The following IFT172 variants were observed in gnomAD, a reference collection of about 807,000 sequenced individuals.
IFT172 encodes intraflagellar transport 172.
A neutral mutation model predicts 248.9 loss-of-function variants in IFT172; 164 were observed. That is an observed-to-expected ratio of 0.66 (90% CI 0.58 to 0.75). IFT172 has a LOEUF of 0.75. Among genes scored for constraint, IFT172 ranks in the 30% least tolerant of loss-of-function variants. IFT172 has a pLI of 0.00. For synonymous variants in IFT172, 729 were observed against 791.6 expected (o/e 0.92, Z 1.33); for missense variants, 1,950 against 2,192.4 (o/e 0.89, Z 2.21).
intron 14 of IFT172, 95 bp downstream of exon 14, chr2:27,476,546 G>T (rs1667966485): frequency 2.6e-6 from 2 of 757,654 alleles, no homozygotes; most frequent in Admixed American, 2.2e-5. Flanking sequence ...GTGCGTCTCA[G>T]ATTCCTGCAT....
chr2:27,472,851 T>C (rs544770897), intron 14 of IFT172, among the ~76,000 whole-genome samples: 5 of 152,226 alleles, frequency 3.3e-5, no homozygotes, highest in Non-Finnish European at 7.3e-5. Flanking sequence ...TTGAATCTTC[T>C]AGACATTATC....
Position 27,463,102 on chromosome 2 carries a change from C to G in IFT172, c.2017G>C (p.Glu673Gln), listed in dbSNP as rs751371317. 1.2e-6 allele frequency: 2 copies of G among 1,613,892 alleles called. No individual in the cohort carries two copies. The highest frequency in any genetic ancestry group is 2.7e-5 in the African/African-American group (2 of 74,890). Residue 673 changes from glutamate (E) to glutamine (Q), a missense_variant, in exon 19 of 48, where the codon GAA (glutamate) becomes CAA (glutamine). Around this residue, in one of 3 missense-constraint regions of IFT172, gnomAD observed 1,166 missense variants for 1,254.1 expected, o/e 0.93. Coordinates refer to ENST00000260570, the MANE Select transcript of IFT172 (RefSeq NM_015662.3). ...ATCAGGAGCATAATACTTGCATATT[C>G]CCGGGATACTTGATCTGCAATCTCA... ...TNEIADQVSR[E>Q]YGGEGTDFYQ...
chr2:27,461,314 T>C lies in IFT172; in HGVS notation c.2397A>G (p.Val799=). ...REELLANTEL[V]EHITAALIKG... ...TGATAAGGGCTGCAGTGATGTGTTC[T>C]ACCAGCTCTGTGTTGGCTAGCAGTT... The change falls in exon 22 of 48, where the codon GTA becomes GTG. Residue 799 remains valine (V), a synonymous_variant. Coordinates refer to ENST00000260570, the MANE Select transcript of IFT172 (RefSeq NM_015662.3). 6.2e-7 allele frequency: 1 copy of C among 1,614,148 alleles called. No individual in the cohort carries two copies. Among genetic ancestry groups the C allele is most frequent in the Non-Finnish European group, 8.5e-7 (1 of 1,180,030 alleles).
Position 27,461,411 on chromosome 2 carries a change from A to G in IFT172, c.2300T>C (p.Leu767Pro), listed in dbSNP as rs1238600885. 1.2e-6 allele frequency: 2 copies of G among 1,614,180 alleles called. No individual in the cohort carries two copies. Among genetic ancestry groups the G allele is most frequent in the Admixed American group, 1.7e-5 (1 of 60,026 alleles). Reference protein sequence around the residue: ...GELQESQGDGLAAISLYLKAG... With the variant: ...GELQESQGDGPAAISLYLKAG... ...TTTGAGGTAGAGGCTGATGGCTGCT[A>G]GCCCATCCCCTTGGCTCTCCTGTAG... is the stretch of plus-strand genomic sequence containing the variant. The change falls in exon 22 of 48, where the codon CTA (leucine) becomes CCA (proline). Residue 767 changes from leucine to proline, a missense_variant. Leu to Pro is a moderately conservative substitution (Grantham distance 98). Transcript: ENST00000260570.
At chr2:27,468,432 C>T (rs893565459) in intron 16 of IFT172, among the ~76,000 whole-genome samples, 17 of 151,770 alleles carry the variant, frequency 1.1e-4, no homozygotes, top group African/African-American at 3.1e-4. Context: ...TGCGGTTTCG[C>T]CATGTTAGCC....
Position 27,459,622 on chromosome 2 carries a change from C to T in IFT172, c.2642+87G>A, listed in dbSNP as rs531904753. 1,508 of 1,601,412 alleles carry T rather than the reference C, an allele frequency of 9.4e-4. 23 individuals carry two copies. In the South Asian group the frequency reaches 0.016, roughly 17 times the overall value. The stretch of plus-strand genomic sequence containing the variant: ...CACACTTCAACCTACATTTTGAGAT[C>T]TCTTCTTTAAGGCCTTGGTGTCCTT... On this transcript the variant is annotated intron_variant, in intron 24 of 47. Transcript: ENST00000260570.
chr2:27,448,826 C>T, intron 40 of IFT172, 89 bp downstream of exon 40: 1 of 770,592 alleles, frequency 1.3e-6, no homozygotes, highest in South Asian at 1.4e-5. Flanking sequence ...ATAGAATCCT[C>T]TGAGAAGATA....
chr2:27,461,359 C>G lies in IFT172; in HGVS notation c.2352G>C (p.Arg784=). The G allele has an allele frequency of 6.2e-7, 1 of 1,614,188 alleles. No individual in the cohort carries two copies. The highest frequency in any genetic ancestry group is 8.5e-7 in the Non-Finnish European group (1 of 1,180,018). Residue 784 remains arginine (R), a synonymous_variant, in exon 22 of 48, where the codon CGG becomes CGC. Transcript: ENST00000260570. ...GCAGTTCCTCTCGGGTCAGCACCAG[C>G]CGAGCAGCTTTGGCAGGGAGCCCAG... is the stretch of plus-strand genomic sequence containing the variant. ...LKAGLPAKAA[R]LVLTREELLA...
At chr2:27,458,533 G>A (rs575591850) in intron 26 of IFT172, among the ~76,000 whole-genome samples, 2 of 152,296 alleles carry the variant, frequency 1.3e-5, no homozygotes, top group South Asian at 4.1e-4. Flanking sequence ...ATTAGGAGTG[G>A]TAGTTCAGAT....
chr2:27,469,668 C>T (rs2148525032), intron 16 of IFT172, among the ~76,000 whole-genome samples: 2 of 152,220 alleles, frequency 1.3e-5, no homozygotes, highest in South Asian at 4.1e-4. Context: ...CTCATCTCTA[C>T]TAAAAATACA....
intron 10 of IFT172, among the ~76,000 whole-genome samples, chr2:27,478,535 C>T (rs1668129060): frequency 6.6e-6 from 1 of 152,162 alleles, no homozygotes; most frequent in African/African-American, 2.4e-5. Flanking sequence ...CCTTGAACTC[C>T]TGGGTTCAAG....
chr2:27,480,907 A>G, intron 8 of IFT172, 139 bp downstream of exon 8: 1 of 665,078 alleles, frequency 1.5e-6, no homozygotes. Flanking sequence ...TAGCGGGAGC[A>G]GGAAGAGGAA....
Position 27,485,149 on chromosome 2 carries a change from A to AG in IFT172, c.184-20_184-19insC. The AG allele has an allele frequency of 6.6e-7, 1 of 1,515,576 alleles. No individual in the cohort carries two copies. The highest frequency in any genetic ancestry group is 9.0e-7 in the Non-Finnish European group (1 of 1,105,630). 93.9% of individuals were successfully genotyped at this position (1,515,576 alleles called of 1,614,324 possible). A position where few individuals can be genotyped will look rare whatever the true frequency, so the allele number is the denominator to read the frequency against. On this transcript the variant is annotated intron_variant, in intron 2 of 47. Coordinates refer to ENST00000260570, the MANE Select transcript of IFT172 (RefSeq NM_015662.3). ...TGCCATACTAAGAGTTTAAAAAAAA[A>AG]AAAAGAAAGAAAAAGAAGTAATGAG...
At chr2:27,456,690 G>C (rs1232615390) in intron 29 of IFT172, 37 bp from the exon 30 acceptor site, 3 of 1,601,082 alleles carry the variant, frequency 1.9e-6, no homozygotes, top group Non-Finnish European at 2.6e-6. Context: ...CTGCAATACA[G>C]AGCTTCTCCC....
chr2:27,476,374 G>T (rs569929497), intron 14 of IFT172, among the ~76,000 whole-genome samples: 1 of 152,246 alleles, frequency 6.6e-6, no homozygotes, highest in African/African-American at 2.4e-5. Context: ...GGGCTCAAAT[G>T]ATCCTGCCTT....
intron 35 of IFT172, among the ~76,000 whole-genome samples, chr2:27,452,841 CTG>C (rs1665795106): frequency 6.6e-6 from 1 of 152,228 alleles, no homozygotes; most frequent in African/African-American, 2.4e-5. Context: ...TGGCATATGA[CTG>C]TATATATCCT....
chr2:27,479,986 T>C, intron 9 of IFT172, 40 bp downstream of exon 9: 1 of 1,595,490 alleles, frequency 6.3e-7, no homozygotes, highest in Non-Finnish European at 8.5e-7. Context: ...TCTAGTTTGG[T>C]GAAAGTCACC....
At chr2:27,449,636 C>A in intron 37 of IFT172, 55 bp downstream of exon 37, 2 of 1,611,558 alleles carry the variant, frequency 1.2e-6, no homozygotes, top group South Asian at 1.1e-5. Flanking sequence ...TTCTCCCAGT[C>A]TTTACAAAAG....
Position 27,485,477 on chromosome 2 carries a change from C to A in IFT172, c.66G>T (p.Met22Ile). The A allele has an allele frequency of 1.2e-6, 2 of 1,614,052 alleles. No individual in the cohort carries two copies. Among genetic ancestry groups the A allele is most frequent in the Non-Finnish European group, 1.7e-6 (2 of 1,179,926 alleles). Residue 22 changes from methionine (M) to isoleucine (I), a missense_variant, in exon 2 of 48, where the codon ATG becomes ATT. By Grantham distance (10) the Met-to-Ile change is conservative (BLOSUM62 1). Coordinates refer to ENST00000260570, the MANE Select transcript of IFT172 (RefSeq NM_015662.3). Reference sequence around the variant, plus strand: ...ATTTGGCATTGTTCTGGGACCAAGCCATGCAGGTCACCTTTGCAGCTCCAT... The same window carrying A: ...ATTTGGCATTGTTCTGGGACCAAGCAATGCAGGTCACCTTTGCAGCTCCAT... ...PQDGAAKVTCMAWSQNNAKFA... is the reference protein window; with the variant it reads ...PQDGAAKVTCIAWSQNNAKFA...
Sources: gnomAD v4.1 joint callset for allele counts (sites outside exome capture counted in the v4.1 genomes callset) on GRCh38, gnomAD v4.1.1 for gene constraint, gnomAD v4.1.1 regional missense constraint, MANE v1.5 for transcripts, NCBI Gene and HGNC (gene_info 2026-07-23, HGNC 2026-07-21) for gene names.